Variants in MGA observed in about 807,000 individuals in gnomAD.
MGA encodes MAX gene-associated protein.
A neutral mutation model predicts 261.1 loss-of-function variants in MGA; 40 were observed. The observed-to-expected ratio is 0.15, with a 90% CI of 0.12 to 0.20. MGA has a LOEUF of 0.20. Ranked by LOEUF, MGA falls within the 10% of genes least tolerant of loss-of-function variation. The pLI is 1.00. For missense variants in MGA, 3,397 were observed against 3,630.5 expected, an observed-to-expected ratio of 0.94 and a Z score of 1.65; for synonymous variants, 1,302 against 1,290.6, an observed-to-expected ratio of 1.01 and a Z score of -0.19.
upstream of MGA, among the ~76,000 whole-genome samples, chr15:41,657,613 C>G (rs1187136777): frequency 3.3e-5 from 5 of 151,874 alleles, no homozygotes. Context: ...GCCTCGGACT[C>G]CCAAAGTGCT....
intron 22 of MGA, among the ~76,000 whole-genome samples, chr15:41,764,472 C>T (rs2063689538): frequency 6.6e-6 from 1 of 152,118 alleles, no homozygotes; most frequent in Admixed American, 6.5e-5. Flanking sequence ...CCAGGATGGT[C>T]TTGATCTCCT....
chr15:41,707,679 T>TA, intron 5 of MGA, 49 bp from the exon 6 acceptor site: 3 of 1,516,722 alleles, frequency 2.0e-6, no homozygotes, highest in Non-Finnish European at 2.7e-6. Context: ...AGGGAGATAA[T>TA]ATGATTTCTG....
chr15:41,749,143 TCCAAAC>T lies in MGA; in HGVS notation c.5539_5544del (p.Lys1847_Pro1848del), dbSNP rs1209375229. On this transcript the variant is annotated inframe_deletion, in exon 17 of 24. Coordinates refer to ENST00000219905, the MANE Select transcript of MGA (RefSeq NM_001164273.2). Reference sequence around the variant, plus strand: ...GATGGGAATCCGGTTACCTGCTCCTTCCAAACCCTCTGAGACTCCGCCATCTTCCAC... The same window carrying T: ...GATGGGAATCCGGTTACCTGCTCCTTCCTCTGAGACTCCGCCATCTTCCAC... The T allele has an allele frequency of 1.1e-5, 18 of 1,613,810 alleles. No homozygotes were observed. Among genetic ancestry groups the T allele is most frequent in the Non-Finnish European group, 1.4e-5 (17 of 1,179,838 alleles).
rs1462810058 is a variant in MGA at position 41,750,301 on chromosome 15, G to C, written c.6694G>C (p.Glu2232Gln). The stretch of plus-strand genomic sequence containing the variant: ...CTTACTTGGAAAAAGTGGAATTACT[G>C]AAGATGCCAGAGTTTTGAAAACTGA... The change falls in exon 17 of 24, where the codon GAA (glutamate) becomes CAA (glutamine). Residue 2232 changes from glutamate to glutamine, a missense_variant. Glu to Gln is a conservative substitution (Grantham distance 29). Transcript: ENST00000219905. 5 of 1,613,930 alleles carry C rather than the reference G, an allele frequency of 3.1e-6. No individual in the cohort carries two copies. Among genetic ancestry groups the C allele is most frequent in the Non-Finnish European group, 4.2e-6 (5 of 1,179,904 alleles).
intron 1 of MGA, among the ~76,000 whole-genome samples, chr15:41,661,424 C>G (rs1398465804): frequency 1.4e-5 from 2 of 145,070 alleles, no homozygotes; most frequent in East Asian, 2.1e-4. Flanking sequence ...TCGTTTCAGA[C>G]TGGGTCGGGA....
chr15:41,688,107 G>A (rs762552509), intron 2 of MGA, among the ~76,000 whole-genome samples: 1 of 152,048 alleles, frequency 6.6e-6, no homozygotes, highest in African/African-American at 2.4e-5. Context: ...ATGGAACCTC[G>A]CTCTGTCACT....
intron 17 of MGA, among the ~76,000 whole-genome samples, chr15:41,752,680 G>A (rs1382400006): frequency 6.7e-6 from 1 of 149,356 alleles, no homozygotes; most frequent in East Asian, 2.0e-4. Context: ...TCAGCCTCCC[G>A]AGTAGCTTGG....
intron 2 of MGA, among the ~76,000 whole-genome samples, chr15:41,678,631 G>A (rs917541800): frequency 6.6e-6 from 1 of 151,614 alleles, no homozygotes; most frequent in Non-Finnish European, 1.5e-5. Context: ...TCCGGGCATG[G>A]TGGCGCACAC....
At chr15:41,727,524 TATAAG>T in intron 10 of MGA, 118 bp downstream of exon 10, 1 of 918,806 alleles carries the variant, frequency 1.1e-6, no homozygotes, top group Non-Finnish European at 1.7e-6. Flanking sequence ...GTAATATGTT[TATAAG>T]ATATCTTCCT....
In MGA at chr15:41,766,031, G is replaced by A. The variant is rs2063781410; in HGVS notation, c.7949G>A (p.Arg2650Gln). The change falls in exon 24 of 24, where the codon CGA (arginine) becomes CAA (glutamine). Residue 2650 changes from arginine (R) to glutamine (Q), a missense_variant. Physicochemically the swap from Arg to Gln is conservative, Grantham distance 43 (BLOSUM62 1). This residue lies in a region of MGA where 647 missense variants were observed against 642.4 expected (regional missense o/e 1.01). Transcript: ENST00000219905. ...AATGACGACTTATTTATGATGCCAC[G>A]AATTGTTAATGTGACATCATTGGCC... 6 of 1,605,510 alleles carry A rather than the reference G, an allele frequency of 3.7e-6. No homozygotes were observed. Among genetic ancestry groups the A allele is most frequent in the Non-Finnish European group, 4.3e-6 (5 of 1,176,104 alleles).
At chr15:41,700,278 C>G (rs2059774639) in intron 5 of MGA, among the ~76,000 whole-genome samples, 1 of 151,996 alleles carries the variant, frequency 6.6e-6, no homozygotes, top group Non-Finnish European at 1.5e-5. Flanking sequence ...GATCTCCTGA[C>G]CTCATGATCT....
chr15:41,665,989 C>CACTGCAACCTGA (rs1437965087), intron 1 of MGA, among the ~76,000 whole-genome samples: 1 of 151,528 alleles, frequency 6.6e-6, no homozygotes, highest in Non-Finnish European at 1.5e-5. Context: ...GGTTATGGCT[C>CACTGCAACCTGA]ACTGCAACCT....
chr15:41,677,576 A>G lies in MGA; in HGVS notation c.1064+7618A>G, dbSNP rs992182580. 3.3e-5 allele frequency among the ~76,000 whole-genome samples: 5 copies of G among 152,206 alleles called. No homozygotes were observed. The East Asian group carries it at 5.8e-4, about 18-fold the overall frequency. ...TCTATATTCCCATCAACAGTGCACA[A>G]GTGTTCTAATTTCTGCTTATCCTGG... On this transcript the variant is annotated intron_variant, in intron 2 of 23. Coordinates refer to ENST00000219905, the MANE Select transcript of MGA (RefSeq NM_001164273.2).
chr15:41,764,824 A>T, intron 22 of MGA, 62 bp from the exon 23 acceptor site: 1 of 1,545,588 alleles, frequency 6.5e-7, no homozygotes, highest in East Asian at 2.3e-5. Context: ...GATTACAGGC[A>T]TGAGCCACCA....
chr15:41,753,563 A>G (rs1487026255), intron 17 of MGA, among the ~76,000 whole-genome samples: 1 of 152,168 alleles, frequency 6.6e-6, no homozygotes, highest in African/African-American at 2.4e-5. Flanking sequence ...ATAAGGAAAT[A>G]CAGCAATCGT....
chr15:41,677,041 T>G (rs1443052546), intron 2 of MGA, among the ~76,000 whole-genome samples: 1 of 152,268 alleles, frequency 6.6e-6, no homozygotes, highest in Non-Finnish European at 1.5e-5. Flanking sequence ...TCCATTGCAC[T>G]TAAAGGCCAC....
At chr15:41,708,885 C>G (rs2060244789) in intron 7 of MGA, among the ~76,000 whole-genome samples, 1 of 152,214 alleles carries the variant, frequency 6.6e-6, no homozygotes, top group Non-Finnish European at 1.5e-5. Context: ...CTGTATCCCT[C>G]TTGGTCTCCG....
rs568120882 is a variant in MGA at position 41,666,159 on chromosome 15, T to A, written c.-67-2669T>A. Among the ~76,000 whole-genome samples the A allele has an allele frequency of 5.3e-4, 81 of 151,420 alleles. 1 individual carries two copies. The highest frequency in any genetic ancestry group is 5.8e-4 in the East Asian group (3 of 5,136). ...TTACTCCCACATGGGCCTCCTAAAG[T>A]GATGGAATTACCGGTGTGAGCCACT... On this transcript the variant is annotated intron_variant, in intron 1 of 23. Transcript: ENST00000219905.
At chr15:41,672,830 A>G (rs186209846) in intron 2 of MGA, among the ~76,000 whole-genome samples, 2 of 151,792 alleles carry the variant, frequency 1.3e-5, no homozygotes, top group Admixed American at 6.6e-5. Context: ...CCAACCTCTG[A>G]TTTAAGGGTT....
Sources: allele counts gnomAD v4.1 joint callset (sites outside exome capture counted in the v4.1 genomes callset), GRCh38; gene constraint gnomAD v4.1.1; regional missense constraint gnomAD v4.1.1; transcripts MANE v1.5; gene names NCBI Gene and HGNC (gene_info 2026-07-23, HGNC 2026-07-21).